Variants in CAMSAP1 observed in about 807,000 individuals in gnomAD.
CAMSAP1 encodes calmodulin-regulated spectrin-associated protein 1.
CAMSAP1 carries 58 observed loss-of-function variants against 143.5 expected under a neutral mutation model. The ratio of observed to expected loss-of-function variants is 0.40; its 90% CI spans 0.33 to 0.50. The LOEUF (loss-of-function observed/expected upper bound fraction) is 0.50, where lower values mean the gene tolerates loss of function less well. Ranked by LOEUF, CAMSAP1 falls within the 20% of genes least tolerant of loss-of-function variation. The probability of loss-of-function intolerance (pLI) is 0.45; values close to 1 mark genes in which losing one functional copy is unlikely to be tolerated. For missense variants in CAMSAP1, 1,969 were observed against 2,115.7 expected, an observed-to-expected ratio of 0.93 and a Z score of 1.36; for synonymous variants, 945 against 859.3, an observed-to-expected ratio of 1.10 and a Z score of -1.74.
At chr9:135,873,457 G>A (rs1223233637) in intron 3 of CAMSAP1, among the ~76,000 whole-genome samples, 2 of 151,906 alleles carry the variant, frequency 1.3e-5, no homozygotes, top group Non-Finnish European at 2.9e-5. Context: ...AATAATAAAG[G>A]TAAAAGGAAA....
intron 1 of CAMSAP1, among the ~76,000 whole-genome samples, chr9:135,897,697 G>A (rs779346117): frequency 1.3e-5 from 2 of 152,178 alleles, no homozygotes; most frequent in South Asian, 2.1e-4. Flanking sequence ...AATGACTTAC[G>A]AGAACAGCAT....
chr9:135,824,823 T>C lies in CAMSAP1; in HGVS notation c.1281A>G (p.Lys427=), dbSNP rs769208151. The C allele has an allele frequency of 1.2e-6, 2 of 1,603,876 alleles. No homozygotes were observed. Among genetic ancestry groups the C allele is most frequent in the South Asian group, 1.1e-5 (1 of 88,452 alleles). The change falls in exon 9 of 17, where the codon AAA becomes AAG. Residue 427 remains lysine (K), a synonymous_variant. Transcript: ENST00000389532. This position sits in a 1 kb window ranked among gnomAD's most constrained non-coding sequence, Gnocchi z 4.1. The part of the protein sequence containing the change: ...PSHPLLPLRQ[K]QQKSIQGEDI... ...CCTCTCCCTGTATGGATTTCTGCTG[T>C]TTCTGTCTCAGTGGCAATAAAGGAT...
At chr9:135,840,132 C>T (rs1221958296) in intron 7 of CAMSAP1, among the ~76,000 whole-genome samples, 1 of 152,210 alleles carries the variant, frequency 6.6e-6, no homozygotes, top group Non-Finnish European at 1.5e-5. Context: ...TTTCCAAGAG[C>T]AGCCGTGCAT....
intron 5 of CAMSAP1, among the ~76,000 whole-genome samples, chr9:135,861,230 C>A (rs917835250): frequency 2.0e-5 from 3 of 152,176 alleles, no homozygotes; most frequent in African/African-American, 7.2e-5. Flanking sequence ...GGCCCCAGGG[C>A]ACCTACCTGT....
intron 7 of CAMSAP1, among the ~76,000 whole-genome samples, chr9:135,847,213 G>C (rs1362868498): frequency 6.6e-6 from 1 of 151,972 alleles, no homozygotes; most frequent in Non-Finnish European, 1.5e-5. Context: ...AAATTAGCTG[G>C]GCATGGTGGT....
intron 7 of CAMSAP1, among the ~76,000 whole-genome samples, chr9:135,840,225 A>C (rs1836289429): frequency 6.6e-6 from 1 of 152,208 alleles, no homozygotes; most frequent in Admixed American, 6.5e-5. Context: ...GACCCACTGC[A>C]CAGGGCCCCA....
chr9:135,855,045 G>A (rs879279436), intron 5 of CAMSAP1, among the ~76,000 whole-genome samples: 8 of 151,872 alleles, frequency 5.3e-5, no homozygotes, highest in African/African-American at 9.7e-5. Context: ...AGGCTGGAGT[G>A]CAGTGGCGTG....
At chr9:135,864,200 C>T (rs769300660) in intron 4 of CAMSAP1, among the ~76,000 whole-genome samples, 1 of 152,210 alleles carries the variant, frequency 6.6e-6, no homozygotes, top group African/African-American at 2.4e-5. Context: ...TTTTATAAAA[C>T]TCTCATGTGA....
chr9:135,846,738 T>A (rs560652400), intron 7 of CAMSAP1, among the ~76,000 whole-genome samples: 1 of 148,364 alleles, frequency 6.7e-6, no homozygotes, highest in Non-Finnish European at 1.5e-5. Context: ...ATGGACGCAC[T>A]TCTCAAAAGA....
At position 135,850,136 on chromosome 9, in the gene CAMSAP1, C is replaced by T; in HGVS notation, c.1045+1G>A. ...CAACCTGGGGAATATCTGTCACTCA[C>T]CGTCTTTCAGCTCCTGAACATCCCT... On this transcript the variant is annotated splice_donor_variant, in intron 7 of 16. Coordinates refer to ENST00000389532, the MANE Select transcript of CAMSAP1 (RefSeq NM_015447.4). LOFTEE classifies it high-confidence loss of function. The T allele has an allele frequency of 6.2e-7, 1 of 1,604,780 alleles. No homozygotes were observed. Among genetic ancestry groups the T allele is most frequent in the Non-Finnish European group, 8.5e-7 (1 of 1,175,924 alleles).
intron 4 of CAMSAP1, among the ~76,000 whole-genome samples, chr9:135,863,893 G>A (rs1252671197): frequency 6.6e-5 from 10 of 152,044 alleles, no homozygotes; most frequent in South Asian, 2.1e-4. Context: ...ACAGGCATGC[G>A]GGAAAGCACA....
chr9:135,905,470 C>T (rs1306800140), intron 1 of CAMSAP1, among the ~76,000 whole-genome samples: 2 of 152,172 alleles, frequency 1.3e-5, no homozygotes, highest in Non-Finnish European at 2.9e-5. Context: ...AAACTTTGTG[C>T]TCGGATCCCA....
At chr9:135,903,987 C>T (rs961245961) in intron 1 of CAMSAP1, among the ~76,000 whole-genome samples, 1 of 152,212 alleles carries the variant, frequency 6.6e-6, no homozygotes, top group Non-Finnish European at 1.5e-5. Flanking sequence ...TAAATCACTT[C>T]AGCTGAGCTG....
chr9:135,823,905 A>G (rs1431095059), intron 10 of CAMSAP1, 45 bp downstream of exon 10: 1 of 1,485,132 alleles, frequency 6.7e-7, no homozygotes, highest in South Asian at 1.2e-5. Context: ...GCTGTTTAGT[A>G]TAAAAAACAT....
intron 7 of CAMSAP1, among the ~76,000 whole-genome samples, chr9:135,840,948 CAGG>C (rs1836321469): frequency 6.6e-6 from 1 of 152,172 alleles, no homozygotes; most frequent in South Asian, 2.1e-4. Context: ...GAGCTAGTTG[CAGG>C]AGTTTTTTTT....
At chr9:135,901,633 A>C (rs908325085) in intron 1 of CAMSAP1, among the ~76,000 whole-genome samples, 3 of 152,004 alleles carry the variant, frequency 2.0e-5, no homozygotes, top group Non-Finnish European at 4.4e-5. Flanking sequence ...AAAAACAAGA[A>C]CAGGCAAGTC....
At chr9:135,876,344 T>G (rs1837747621) in intron 3 of CAMSAP1, among the ~76,000 whole-genome samples, 1 of 152,240 alleles carries the variant, frequency 6.6e-6, no homozygotes, top group Non-Finnish European at 1.5e-5. Context: ...GACAAGGCCC[T>G]TGATTCCCAA....
At chr9:135,876,143 G>C (rs556912899) in intron 3 of CAMSAP1, among the ~76,000 whole-genome samples, 340 of 152,220 alleles carry the variant, frequency 2.2e-3, no homozygotes, top group African/African-American at 7.8e-3. Flanking sequence ...GTAGAGACAC[G>C]GTTTCACCAC....
At chr9:135,877,914 C>A (rs759094208) in intron 3 of CAMSAP1, among the ~76,000 whole-genome samples, 1 of 152,174 alleles carries the variant, frequency 6.6e-6, no homozygotes, top group African/African-American at 2.4e-5. Flanking sequence ...AACTTCAGAG[C>A]ACCCGGGAAG....
Sources: gnomAD v4.1 joint callset for allele counts (sites outside exome capture counted in the v4.1 genomes callset) on GRCh38, gnomAD v4.1.1 for gene constraint, Gnocchi (gnomAD v3.1) non-coding constraint, MANE v1.5 for transcripts, NCBI Gene and HGNC (gene_info 2026-07-23, HGNC 2026-07-21) for gene names.